HCN1: variants seen among roughly 807,000 people sequenced by gnomAD.
The protein encoded by HCN1 is potassium/sodium hyperpolarization-activated cyclic nucleotide-gated channel 1.
Under a neutral mutation model 78.9 loss-of-function variants are expected in HCN1, and 13 were observed. The ratio of observed to expected loss-of-function variants is 0.16; its 90% CI spans 0.11 to 0.26. HCN1 has a LOEUF of 0.26. HCN1 is among the 10% of genes least tolerant of loss of function. The pLI, the probability that HCN1 is intolerant of heterozygous loss-of-function variation, is 1.00. For missense variants in HCN1, 810 were observed against 1,154.3 expected (o/e 0.70, Z 4.32); for synonymous variants, 552 against 455.5 (o/e 1.21, Z -2.70).
At chr5:45,640,619 G>T (rs1664228437) in intron 2 of HCN1, among the ~76,000 whole-genome samples, 1 of 149,806 alleles carries the variant, frequency 6.7e-6, no homozygotes, top group Non-Finnish European at 1.5e-5. Context: ...TTGTCGCCCA[G>T]GCTGGAGTGC....
At chr5:45,291,177 C>G (rs914662596) in intron 6 of HCN1, among the ~76,000 whole-genome samples, 1 of 152,006 alleles carries the variant, frequency 6.6e-6, no homozygotes, top group Non-Finnish European at 1.5e-5. Flanking sequence ...CTATTTCCAG[C>G]TTACTTTATT....
intron 6 of HCN1, among the ~76,000 whole-genome samples, chr5:45,302,617 CAT>C (rs113576198): frequency 2.0e-5 from 3 of 150,620 alleles, no homozygotes; most frequent in South Asian, 4.2e-4. Context: ...TGTGTAGAAA[CAT>C]ATATATATAT....
At chr5:45,678,143 T>C (rs2112084799) in intron 1 of HCN1, among the ~76,000 whole-genome samples, 1 of 151,896 alleles carries the variant, frequency 6.6e-6, no homozygotes, top group African/African-American at 2.4e-5. Context: ...AGCTCTACAG[T>C]CCAAATAAGT....
chr5:45,494,917 T>C lies in HCN1; in HGVS notation c.850-32910A>G, dbSNP rs1490763032. Among the ~76,000 whole-genome samples, 163 of 150,776 alleles carry C rather than the reference T, an allele frequency of 1.1e-3. 1 individual carries two copies. In the East Asian group the frequency reaches 0.026, roughly 24 times the overall value. ...CAAAGATCAGATAGTTGTAGATATG[T>C]GGCATTATTTCTGAGGGCTCTGTTC... On this transcript the variant is annotated intron_variant, in intron 2 of 7. Coordinates refer to ENST00000303230, the MANE Select transcript of HCN1 (RefSeq NM_021072.4).
At chr5:45,488,511 T>A (rs1197415970) in intron 2 of HCN1, among the ~76,000 whole-genome samples, 2 of 152,194 alleles carry the variant, frequency 1.3e-5, no homozygotes, top group Non-Finnish European at 2.9e-5. Flanking sequence ...CAGTCAGTTG[T>A]GCTTTCATTG....
At chr5:45,316,692 A>G (rs1218961516) in intron 5 of HCN1, among the ~76,000 whole-genome samples, 1 of 152,220 alleles carries the variant, frequency 6.6e-6, no homozygotes, top group African/African-American at 2.4e-5. Flanking sequence ...AATCTTCTTA[A>G]GCTGATAAGC....
At chr5:45,515,908 A>T (rs1013586182) in intron 2 of HCN1, among the ~76,000 whole-genome samples, 2 of 151,982 alleles carry the variant, frequency 1.3e-5, no homozygotes, top group African/African-American at 4.8e-5. Context: ...ATCTACCACC[A>T]AAAATGCCTC....
chr5:45,481,182 G>C (rs1323337465), intron 2 of HCN1, among the ~76,000 whole-genome samples: 1 of 152,208 alleles, frequency 6.6e-6, no homozygotes, highest in Non-Finnish European at 1.5e-5. Context: ...CTTATTAAGA[G>C]ACCTACAGAA....
chr5:45,426,798 A>G (rs950065378), intron 3 of HCN1, among the ~76,000 whole-genome samples: 1 of 152,158 alleles, frequency 6.6e-6, no homozygotes, highest in Non-Finnish European at 1.5e-5. Flanking sequence ...TAACTGTACT[A>G]AAAATAAAAA....
At chr5:45,694,452 T>C (rs1739967655) in intron 1 of HCN1, among the ~76,000 whole-genome samples, 1 of 152,194 alleles carries the variant, frequency 6.6e-6, no homozygotes, top group South Asian at 2.1e-4. Context: ...GCTAATGTCA[T>C]TCAGAACTGT....
chr5:45,418,796 C>T (rs917591881), intron 3 of HCN1, among the ~76,000 whole-genome samples: 25 of 152,002 alleles, frequency 1.6e-4, no homozygotes, highest in Non-Finnish European at 3.4e-4. Flanking sequence ...AATCTATAAG[C>T]CAGTTTTCCT....
intron 4 of HCN1, among the ~76,000 whole-genome samples, chr5:45,372,042 AT>A (rs1274555604): frequency 5.1e-5 from 3 of 58,348 alleles, no homozygotes; most frequent in African/African-American, 2.8e-4. Context: ...TTATATATAT[AT>A]TATATATATA....
chr5:45,323,933 G>A (rs1342259623), intron 5 of HCN1, among the ~76,000 whole-genome samples: 1 of 151,926 alleles, frequency 6.6e-6, no homozygotes, highest in African/African-American at 2.4e-5. Flanking sequence ...GTGTATATGT[G>A]CTACATTTTC....
chr5:45,660,094 C>G (rs551353824), intron 1 of HCN1, among the ~76,000 whole-genome samples: 1 of 120,100 alleles, frequency 8.3e-6, no homozygotes, highest in South Asian at 2.8e-4. Context: ...ATCAGACTAA[C>G]AGCGGATCTC....
At chr5:45,489,663 G>A (rs1339604471) in intron 2 of HCN1, among the ~76,000 whole-genome samples, 1 of 152,138 alleles carries the variant, frequency 6.6e-6, no homozygotes, top group East Asian at 1.9e-4. Context: ...AGGCACCAAA[G>A]TATTTAGCAT....
chr5:45,549,316 A>T (rs1743306909), intron 2 of HCN1, among the ~76,000 whole-genome samples: 2 of 152,154 alleles, frequency 1.3e-5, no homozygotes, highest in East Asian at 1.9e-4. Context: ...CCAATGGAAC[A>T]TAACAGAGCC....
At position 45,411,458 on chromosome 5, in the gene HCN1, G is replaced by C. The variant is rs139195998; in HGVS notation, c.1012-14748C>G. ...GCTCCTTTCAGTTATCTAAAATCAGGAAAAAAATGCATATTCAATCATAGT... is the reference window on the plus strand; with the variant it reads ...GCTCCTTTCAGTTATCTAAAATCAGCAAAAAAATGCATATTCAATCATAGT... On this transcript the variant is annotated intron_variant, in intron 3 of 7. Transcript: ENST00000303230. Among the ~76,000 whole-genome samples the C allele has an allele frequency of 2.7e-3, 409 of 150,756 alleles. 2 individuals are homozygous for C. The highest frequency in any genetic ancestry group is 9.2e-3 in the African/African-American group (378 of 41,174).
intron 2 of HCN1, among the ~76,000 whole-genome samples, chr5:45,491,837 A>G (rs1483307): frequency 0.35 from 52,764 of 152,014 alleles, 11,756 homozygotes; most frequent in Non-Finnish European, 0.46. Flanking sequence ...GAAGGTAAGG[A>G]AGTGGTGAAA....
At chr5:45,418,218 T>C (rs1740157161) in intron 3 of HCN1, among the ~76,000 whole-genome samples, 1 of 151,836 alleles carries the variant, frequency 6.6e-6, no homozygotes, top group African/African-American at 2.4e-5. Context: ...AGAAAAAGTG[T>C]TTATAATGTA....
Sources: gnomAD v4.1 joint callset for allele counts (sites outside exome capture counted in the v4.1 genomes callset) on GRCh38, gnomAD v4.1.1 for gene constraint, MANE v1.5 for transcripts, NCBI Gene and HGNC (gene_info 2026-07-23, HGNC 2026-07-21) for gene names.